ZNF385D: variants seen among roughly 807,000 people sequenced by gnomAD.
ZNF385D encodes the protein zinc finger protein 385D.
A neutral mutation model predicts 35.8 loss-of-function variants in ZNF385D; 15 were observed. That is an observed-to-expected ratio of 0.42 (90% confidence interval 0.28 to 0.64). The LOEUF (loss-of-function observed/expected upper bound fraction) is 0.64, where lower values mean the gene tolerates loss of function less well. Among genes scored for constraint, ZNF385D ranks in the 30% least tolerant of loss-of-function variants. The probability of loss-of-function intolerance (pLI) is 0.23; values close to 1 mark genes in which losing one functional copy is unlikely to be tolerated. For missense variants in ZNF385D, 474 were observed against 494.6 expected (o/e 0.96, Z 0.39); for synonymous variants, 212 against 186.8 (o/e 1.13, Z -1.10).
At chr3:21,619,333 A>C (rs1372602072) in intron 2 of ZNF385D, among the ~76,000 whole-genome samples, 2 of 152,080 alleles carry the variant, frequency 1.3e-5, no homozygotes, top group Non-Finnish European at 2.9e-5. Flanking sequence ...GTGTGTGGGT[A>C]CAATGCACCT....
At chr3:21,489,688 G>A (rs1427324984) in intron 4 of ZNF385D, among the ~76,000 whole-genome samples, 4 of 152,080 alleles carry the variant, frequency 2.6e-5, no homozygotes, top group Admixed American at 6.6e-5. Context: ...TGTTTTTCCA[G>A]CTAGAGGCAT....
At chr3:21,821,304 AAATT>A (rs1228670492) in intron 3 of ZNF385D, among the ~76,000 whole-genome samples, 1 of 152,170 alleles carries the variant, frequency 6.6e-6, no homozygotes, top group Non-Finnish European at 1.5e-5. Context: ...AGTCATAAAT[AAATT>A]GTCCTTATCT....
chr3:21,832,988 C>A (rs1248389366), intron 3 of ZNF385D, among the ~76,000 whole-genome samples: 1 of 152,162 alleles, frequency 6.6e-6, no homozygotes, highest in Non-Finnish European at 1.5e-5. Context: ...CTCAACTATG[C>A]TCTTCACCCA....
At chr3:22,016,009 A>G (rs1452261836) in intron 3 of ZNF385D, among the ~76,000 whole-genome samples, 2 of 152,086 alleles carry the variant, frequency 1.3e-5, no homozygotes, top group African/African-American at 4.8e-5. Context: ...TCCTATTGTT[A>G]AGAAGCATTT....
intron 3 of ZNF385D, among the ~76,000 whole-genome samples, chr3:22,062,199 C>A (rs1699724819): frequency 6.6e-6 from 1 of 151,962 alleles, no homozygotes; most frequent in Non-Finnish European, 1.5e-5. Context: ...AGGCAAGTGC[C>A]ACCATGCCTA....
intron 2 of ZNF385D, among the ~76,000 whole-genome samples, chr3:21,649,219 GTTTA>G (rs2065843686): frequency 1.3e-5 from 2 of 152,078 alleles, no homozygotes; most frequent in South Asian, 2.1e-4. Context: ...GACATTATAT[GTTTA>G]TTTATAACTT....
chr3:21,611,420 C>A (rs1201787033), intron 2 of ZNF385D, among the ~76,000 whole-genome samples: 1 of 152,114 alleles, frequency 6.6e-6, no homozygotes, highest in Non-Finnish European at 1.5e-5. Flanking sequence ...AACAAAAAAA[C>A]CAAAAAGCCT....
intron 3 of ZNF385D, among the ~76,000 whole-genome samples, chr3:21,524,901 G>T (rs1708130495): frequency 1.3e-5 from 2 of 152,258 alleles, no homozygotes; most frequent in Admixed American, 6.5e-5. Context: ...ACTATTAGTT[G>T]AATAGGTTTC....
At chr3:21,480,705 T>C (rs9811744) in intron 4 of ZNF385D, among the ~76,000 whole-genome samples, 19,468 of 152,224 alleles carry the variant, frequency 0.13, 2,419 homozygotes, top group East Asian at 0.39. Context: ...GATATTCACT[T>C]GTTCTATTTT....
chr3:21,822,261 G>A (rs1694300603), intron 3 of ZNF385D, among the ~76,000 whole-genome samples: 1 of 151,650 alleles, frequency 6.6e-6, no homozygotes, highest in Admixed American at 6.6e-5. Context: ...TATAGTAGAG[G>A]CGGGGTTTCA....
chr3:22,113,767 C>T (rs1034259426), intron 3 of ZNF385D, among the ~76,000 whole-genome samples: 5 of 152,086 alleles, frequency 3.3e-5, no homozygotes, highest in East Asian at 3.9e-4. Context: ...GGGTGAATCA[C>T]GAGTCAGGAG....
chr3:22,167,513 G>C (rs1397370699), intron 3 of ZNF385D, among the ~76,000 whole-genome samples: 1 of 152,126 alleles, frequency 6.6e-6, no homozygotes, highest in African/African-American at 2.4e-5. Context: ...ATTCTTCTTA[G>C]ACATGTGACA....
chr3:21,988,491 G>T (rs918905098), intron 3 of ZNF385D, among the ~76,000 whole-genome samples: 2 of 141,838 alleles, frequency 1.4e-5, no homozygotes, highest in African/African-American at 2.5e-5. Context: ...GGGGGTCAGG[G>T]GTCAGGGACC....
intron 2 of ZNF385D, among the ~76,000 whole-genome samples, chr3:21,611,065 G>T (rs887246860): frequency 3.9e-5 from 6 of 152,168 alleles, no homozygotes; most frequent in Non-Finnish European, 8.8e-5. Context: ...TTCAAAGTCA[G>T]CAAGGAATAG....
intron 3 of ZNF385D, among the ~76,000 whole-genome samples, chr3:21,795,999 A>C (rs985196928): frequency 2.0e-5 from 3 of 152,264 alleles, no homozygotes; most frequent in East Asian, 3.8e-4. Flanking sequence ...TTTCTCAAAT[A>C]GAAATGACTA....
intron 3 of ZNF385D, among the ~76,000 whole-genome samples, chr3:22,112,838 T>TG (rs927645088): frequency 7.4e-5 from 11 of 147,886 alleles, no homozygotes; most frequent in South Asian, 2.1e-4. Context: ...ACCCTTCCTA[T>TG]GGGGGGGAAA....
At chr3:22,050,829 C>G (rs1007361990) in intron 3 of ZNF385D, among the ~76,000 whole-genome samples, 1 of 152,182 alleles carries the variant, frequency 6.6e-6, no homozygotes, top group Non-Finnish European at 1.5e-5. Flanking sequence ...TCCTGACTTT[C>G]ACAATCTCTT....
At chr3:21,933,327 C>T (rs1020261068) in intron 3 of ZNF385D, among the ~76,000 whole-genome samples, 10 of 152,274 alleles carry the variant, frequency 6.6e-5, no homozygotes, top group African/African-American at 2.4e-4. Flanking sequence ...AGAAATTTCT[C>T]TGACTTTGAA....
At chr3:22,213,079 A>C (rs1697631069) in intron 2 of ZNF385D, among the ~76,000 whole-genome samples, 1 of 152,062 alleles carries the variant, frequency 6.6e-6, no homozygotes, top group South Asian at 2.1e-4. Context: ...CATTCAGTTT[A>C]TAAATTTCCT....
Sources: allele counts gnomAD v4.1 joint callset (sites outside exome capture counted in the v4.1 genomes callset), GRCh38; gene constraint gnomAD v4.1.1; transcripts MANE v1.5; gene names NCBI Gene and HGNC (gene_info 2026-07-23, HGNC 2026-07-21).